NBPF9: variants seen among roughly 807,000 people sequenced by gnomAD.
NBPF9 encodes the protein NBPF member 9.
Under a neutral mutation model 97.8 loss-of-function variants are expected in NBPF9, and 91 were observed. The observed-to-expected ratio is 0.93, with a 90% CI of 0.79 to 1.11. The LOEUF (loss-of-function observed/expected upper bound fraction) is 1.11, where lower values mean the gene tolerates loss of function less well. Ranked by LOEUF, NBPF9 falls within the 50% of genes least tolerant of loss-of-function variation. NBPF9 has a pLI of 0.00. For synonymous variants in NBPF9, 334 were observed against 359.5 expected (o/e 0.93, Z 0.80); for missense variants, 992 against 939.5 (o/e 1.06, Z -0.73).
chr1:149,064,758 C>A (rs587620602), intron 18 of NBPF9: 107 of 609,706 alleles, frequency 1.8e-4, no homozygotes, highest in South Asian at 1.5e-3. Context: ...ATTTTTTTCC[C>A]CAATAAATTG....
chr1:149,086,256 T>A (rs1324774958), intron 5 of NBPF9, among the ~76,000 whole-genome samples: 1 of 148,376 alleles, frequency 6.7e-6, no homozygotes, highest in Non-Finnish European at 1.5e-5. Flanking sequence ...ACCGACTGAG[T>A]GGTTCAATTA....
At chr1:149,075,350 G>C (rs587603676) in intron 12 of NBPF9, among the ~76,000 whole-genome samples, 76 of 152,306 alleles carry the variant, frequency 5.0e-4, no homozygotes, top group Middle Eastern at 3.4e-3. Context: ...TTATATGGTA[G>C]AGAGGATTCT....
At chr1:149,101,677 G>A (rs1338595051) in intron 2 of NBPF9, among the ~76,000 whole-genome samples, 1 of 150,616 alleles carries the variant, frequency 6.6e-6, no homozygotes, top group East Asian at 2.0e-4. Flanking sequence ...ATACATTACT[G>A]CACCCCTACT....
rs1220676207 is a variant in NBPF9 at position 149,056,023 on chromosome 1, G to T, written c.3093-124C>A. 2.5e-6 allele frequency: 4 copies of T among 1,577,080 alleles called. No individual in the cohort carries two copies. The East Asian group carries it at 9.3e-5, about 37-fold the overall frequency. ...GAAAAAGGATAGATCCATTAATGAGGTAAAAAAAAAAATTTATTGCCTTTA... is the reference window on the plus strand; with the variant it reads ...GAAAAAGGATAGATCCATTAATGAGTTAAAAAAAAAAATTTATTGCCTTTA... On this transcript the variant is annotated intron_variant, in intron 29 of 29. Transcript: ENST00000584027.
At chr1:149,080,011 T>C (rs2080276417) in intron 8 of NBPF9, 42 bp downstream of exon 8, 1 of 1,516,730 alleles carries the variant, frequency 6.6e-7, no homozygotes, top group African/African-American at 1.4e-5. Flanking sequence ...TTCAGAGATC[T>C]ACACACCTAC....
exon 16 of NBPF9, chr1:149,070,935 T>G: frequency 6.2e-7 from 1 of 1,612,438 alleles, no homozygotes; most frequent in Non-Finnish European, 8.5e-7. Flanking sequence ...AGAGGCTACC[T>G]GGAATAATGT....
At chr1:149,072,662 C>T in intron 14 of NBPF9, 56 bp downstream of exon 14, 2 of 1,570,928 alleles carry the variant, frequency 1.3e-6, no homozygotes, top group Non-Finnish European at 1.8e-6. Context: ...GTATGGAGGT[C>T]TGGAGCCTCT....
chr1:149,059,563 T>C, intron 25 of NBPF9, 137 bp downstream of exon 25: 1 of 470,418 alleles, frequency 2.1e-6, no homozygotes, highest in East Asian at 2.8e-5. Context: ...TCTACTGCAA[T>C]GAAAACCAAC....
chr1:149,061,154 G>T (rs1466079860), intron 23 of NBPF9, 178 bp downstream of exon 23: 3 of 359,472 alleles, frequency 8.3e-6, no homozygotes, highest in African/African-American at 2.8e-5. Context: ...AATGATAAGG[G>T]GAGGAAGAAA....
chr1:149,096,402 G>A (rs1214450421), intron 4 of NBPF9, among the ~76,000 whole-genome samples: 6 of 20,410 alleles, frequency 2.9e-4, no homozygotes, highest in Non-Finnish European at 2.9e-4. Context: ...GTAACGAATG[G>A]ACCACACTAA....
rs1553652767 is a variant in NBPF9, at chr1:149,070,929, G to T, written c.1585+5C>A. ...GGTATGAGACACAAGGAAAACAGAG[G>T]CTACCTGGAATAATGTGTACAGCAT... On this transcript the variant is annotated splice_donor_5th_base_variant and intron_variant, in intron 16 of 29. Coordinates refer to ENST00000584027, the Ensembl canonical transcript of NBPF9. 3.1e-6 allele frequency: 5 copies of T among 1,612,172 alleles called. No homozygotes were observed. The highest frequency in any genetic ancestry group is 1.7e-5 in the Admixed American group (1 of 59,986).
intron 11 of NBPF9, among the ~76,000 whole-genome samples, chr1:149,076,667 T>A (rs1270948420): frequency 9.2e-5 from 13 of 141,020 alleles, no homozygotes; most frequent in African/African-American, 3.1e-4. Context: ...CACGCCCAGC[T>A]ATTTTTTTTT....
chr1:149,097,153 A>G (rs1376539037), intron 4 of NBPF9, among the ~76,000 whole-genome samples: 3 of 151,060 alleles, frequency 2.0e-5, no homozygotes, highest in Non-Finnish European at 4.4e-5. Context: ...GAGAGAGAAA[A>G]AGAGTGGGAG....
exon 22 of NBPF9, chr1:149,062,182 T>C (rs782064493): frequency 1.1e-6 from 1 of 932,310 alleles, no homozygotes; most frequent in East Asian, 2.4e-5. Flanking sequence ...CAGTTCAAGA[T>C]AACCTGAAGG....
At chr1:149,056,152 G>A (rs1397635940) in intron 29 of NBPF9, among the ~76,000 whole-genome samples, 4 of 151,908 alleles carry the variant, frequency 2.6e-5, no homozygotes, top group African/African-American at 9.7e-5. Flanking sequence ...AATTGGCCAG[G>A]TGACATACTG....
At chr1:149,062,673 T>G (rs1194413048) in intron 21 of NBPF9, among the ~76,000 whole-genome samples, 189 bp downstream of exon 21, 1 of 150,248 alleles carries the variant, frequency 6.7e-6, no homozygotes, top group Non-Finnish European at 1.5e-5. Flanking sequence ...CTATAGTAAG[T>G]TAGTAAATGA....
rs587623087 is a variant in NBPF9, at chr1:149,072,821, G to A, written c.1203C>T (p.Leu401=). Residue 401 remains leucine, a synonymous_variant, in exon 14 of 30, where the codon CTC becomes CTT. Coordinates refer to ENST00000584027, the Ensembl canonical transcript of NBPF9. ...ACTTGTCCGGCTCATCCGGAGTGAG[G>A]AGGGCCTGGAGATGCTCATTCAATG... 3 of 1,597,438 alleles carry A rather than the reference G, an allele frequency of 1.9e-6. No homozygotes were observed. In the African/African-American group the frequency reaches 4.0e-5, roughly 21 times the overall value.
intron 11 of NBPF9, among the ~76,000 whole-genome samples, chr1:149,076,478 G>A (rs1213038815): frequency 6.7e-6 from 1 of 148,956 alleles, no homozygotes. Flanking sequence ...ATTAAGATGT[G>A]AGCCAGCGCC....
Position 149,073,767 on chromosome 1 carries a change from CCTGAGCTCCTCAG to C in NBPF9, c.1079_1091del (p.Ala360GlyfsTer14). ...TGCCTGCCCCCATGGGGTCCCCTCA[CCTGAGCTCCTCAG>C]CTTGCTTCAGCTGCTCTGCAAGCTT... is the stretch of plus-strand genomic sequence containing the variant. On this transcript the variant is annotated frameshift_variant and splice_region_variant, in exon 13 of 30. Transcript: ENST00000584027. LOFTEE classifies it high-confidence loss of function. 1 of 1,578,862 alleles carries C rather than the reference CCTGAGCTCCTCAG, an allele frequency of 6.3e-7. No homozygotes were observed. Among genetic ancestry groups the C allele is most frequent in the Non-Finnish European group, 8.7e-7 (1 of 1,155,490 alleles).
Sources: gnomAD v4.1 joint callset for allele counts (sites outside exome capture counted in the v4.1 genomes callset) on GRCh38, gnomAD v4.1.1 for gene constraint, MANE v1.5 for transcripts, NCBI Gene and HGNC (gene_info 2026-07-23, HGNC 2026-07-21) for gene names.